The following SEMA3D variants were observed in gnomAD, a reference collection of about 807,000 sequenced individuals.
The protein encoded by SEMA3D is semaphorin 3D, also known as semaphorin-3D.
SEMA3D carries 84 observed loss-of-function variants against 100.1 expected under a neutral mutation model. The observed-to-expected ratio is 0.84, with a 90% CI of 0.70 to 1.01. The LOEUF (loss-of-function observed/expected upper bound fraction) is 1.01. Ranked by LOEUF, SEMA3D falls within the 50% of genes least tolerant of loss-of-function variation. The pLI is 0.00. For synonymous variants in SEMA3D, 312 were observed against 320.7 expected (o/e 0.97, Z 0.29); for missense variants, 875 against 934.1 (o/e 0.94, Z 0.82).
At chr7:85,201,962 C>G in the SEMA3D span, among the ~76,000 whole-genome samples, 2 of 151,808 alleles carry the variant, frequency 1.3e-5, no homozygotes, top group African/African-American at 4.8e-5. Flanking sequence ...TCAAGTGACC[C>G]TCTCACCTCA....
chr7:85,229,858 A>T, the SEMA3D span, among the ~76,000 whole-genome samples: 1 of 152,058 alleles, frequency 6.6e-6, no homozygotes, highest in South Asian at 2.1e-4. Flanking sequence ...CTTACTTTTC[A>T]TTCCATCTTT....
intron 12 of SEMA3D, among the ~76,000 whole-genome samples, chr7:85,024,575 G>A (rs540782623): frequency 2.6e-5 from 4 of 151,740 alleles, no homozygotes; most frequent in East Asian, 3.9e-4. Flanking sequence ...AATCTAAGGC[G>A]GAAAAAAAGG....
intron 2 of SEMA3D, among the ~76,000 whole-genome samples, chr7:85,131,383 A>G (rs1233825736): frequency 1.1e-4 from 17 of 152,136 alleles, no homozygotes; most frequent in Admixed American, 9.8e-4. Flanking sequence ...AGGATATAAC[A>G]TAATTGTATT....
intron 2 of SEMA3D, among the ~76,000 whole-genome samples, chr7:85,145,776 C>G (rs1228228345): frequency 6.6e-6 from 1 of 152,058 alleles, no homozygotes; most frequent in African/African-American, 2.4e-5. Flanking sequence ...ATATTGATTC[C>G]AAGATCCTTC....
At chr7:85,167,649 G>C (rs888764554) in intron 1 of SEMA3D, among the ~76,000 whole-genome samples, 3 of 151,684 alleles carry the variant, frequency 2.0e-5, no homozygotes, top group African/African-American at 7.2e-5. Context: ...CAAATCCCCA[G>C]TTTAAAAAAA....
At chr7:85,102,433 ATTGT>A (rs1338700691) in intron 3 of SEMA3D, among the ~76,000 whole-genome samples, 1 of 151,934 alleles carries the variant, frequency 6.6e-6, no homozygotes, top group Non-Finnish European at 1.5e-5. Context: ...GTGCTTAATA[ATTGT>A]TTGTATGACT....
At chr7:85,245,073 A>G in the SEMA3D span, among the ~76,000 whole-genome samples, 1 of 152,172 alleles carries the variant, frequency 6.6e-6, no homozygotes, top group Admixed American at 6.6e-5. Context: ...TGAGGGATGT[A>G]GCAGCAATTT....
intron 12 of SEMA3D, among the ~76,000 whole-genome samples, chr7:85,032,747 T>TCC (rs1790581105): frequency 6.6e-6 from 1 of 151,938 alleles, no homozygotes; most frequent in Non-Finnish European, 1.5e-5. Flanking sequence ...AAAAAGAAAA[T>TCC]CCTCCTTCTT....
intron 2 of SEMA3D, among the ~76,000 whole-genome samples, chr7:85,131,528 G>C (rs764886399): frequency 2.0e-5 from 3 of 151,984 alleles, no homozygotes; most frequent in Non-Finnish European, 4.4e-5. Flanking sequence ...TGGTGAATAT[G>C]TGTAGTACTT....
intron 18 of SEMA3D, among the ~76,000 whole-genome samples, chr7:85,000,464 C>T (rs557093719): frequency 2.8e-4 from 43 of 152,176 alleles, no homozygotes; most frequent in Admixed American, 1.5e-3. Context: ...GCCAAAGGTA[C>T]GGGTATAGTC....
intron 17 of SEMA3D, among the ~76,000 whole-genome samples, chr7:85,011,938 C>A (rs952084844): frequency 2.0e-5 from 3 of 151,220 alleles, no homozygotes; most frequent in African/African-American, 7.3e-5. Flanking sequence ...TCCACCTGTT[C>A]GTGTGTGTGT....
At chr7:85,227,054 T>G in the SEMA3D span, among the ~76,000 whole-genome samples, 4 of 152,206 alleles carry the variant, frequency 2.6e-5, no homozygotes, top group African/African-American at 4.8e-5. Flanking sequence ...CGGTTTATTT[T>G]CTTGAAAAAT....
the SEMA3D span, among the ~76,000 whole-genome samples, chr7:85,223,228 T>C: frequency 1.3e-5 from 2 of 152,120 alleles, no homozygotes; most frequent in Admixed American, 6.6e-5. Flanking sequence ...ACAACCACTG[T>C]GGAAAACAGT....
Position 85,008,768 on chromosome 7 carries a change from A to C in SEMA3D, c.1769-1827T>G, listed in dbSNP as rs148504505. On this transcript the variant is annotated intron_variant, in intron 17 of 18. Transcript: ENST00000284136. ...AAATTCAGAGTCAGGAATGATGGTG[A>C]TGCCATGCAACCACAGATTGTCCAC... is the stretch of plus-strand genomic sequence containing the variant. 1.1e-4 allele frequency among the ~76,000 whole-genome samples: 16 copies of C among 151,858 alleles called. No homozygotes were observed. In the East Asian group the frequency reaches 2.7e-3, roughly 26 times the overall value.
intron 4 of SEMA3D, among the ~76,000 whole-genome samples, chr7:85,089,325 C>G (rs1788310412): frequency 6.6e-6 from 1 of 152,070 alleles, no homozygotes; most frequent in African/African-American, 2.4e-5. Context: ...TAGATGATCC[C>G]TTCTTATAAA....
chr7:85,179,145 G>C (rs1386523438), intron 1 of SEMA3D, among the ~76,000 whole-genome samples: 1 of 152,196 alleles, frequency 6.6e-6, no homozygotes. Flanking sequence ...AGTACAGAAG[G>C]GAAATGTGGG....
chr7:85,241,613 A>G, the SEMA3D span, among the ~76,000 whole-genome samples: 1 of 150,944 alleles, frequency 6.6e-6, no homozygotes, highest in African/African-American at 2.4e-5. Context: ...TTATGTTCTC[A>G]CTCATAAGTG....
intron 3 of SEMA3D, among the ~76,000 whole-genome samples, chr7:85,107,447 A>C (rs1202658573): frequency 6.6e-6 from 1 of 152,118 alleles, no homozygotes; most frequent in Non-Finnish European, 1.5e-5. Flanking sequence ...AGCAGGTATA[A>C]GCAATGAGAA....
At chr7:85,226,104 C>A in the SEMA3D span, among the ~76,000 whole-genome samples, 4 of 152,204 alleles carry the variant, frequency 2.6e-5, no homozygotes, top group South Asian at 8.3e-4. Flanking sequence ...ATTATTAGTA[C>A]ATTTTCTTAT....
Sources: gnomAD v4.1 joint callset for allele counts (sites outside exome capture counted in the v4.1 genomes callset) on GRCh38, gnomAD v4.1.1 for gene constraint, MANE v1.5 for transcripts, NCBI Gene and HGNC (gene_info 2026-07-23, HGNC 2026-07-21) for gene names.